HECW2: variants seen among roughly 807,000 people sequenced by gnomAD.
HECW2 encodes HECT, C2 and WW domain containing E3 ubiquitin protein ligase 2, also known as E3 ubiquitin-protein ligase HECW2.
Under a neutral mutation model 175.2 loss-of-function variants are expected in HECW2, and 61 were observed. The ratio of observed to expected loss-of-function variants is 0.35; its 90% confidence interval spans 0.28 to 0.43. The LOEUF (loss-of-function observed/expected upper bound fraction) is 0.43. HECW2 is among the 20% of genes least tolerant of loss of function. The pLI is 1.00. For missense variants in HECW2, 1,524 were observed against 2,000.5 expected (o/e 0.76, Z 4.54); for synonymous variants, 671 against 731.0 (o/e 0.92, Z 1.32).
intron 3 of HECW2, among the ~76,000 whole-genome samples, chr2:196,339,456 T>C (rs976172862): frequency 6.6e-6 from 1 of 152,238 alleles, no homozygotes; most frequent in South Asian, 2.1e-4. Context: ...TCCTCAATGA[T>C]CACATATCAA....
intron 2 of HECW2, among the ~76,000 whole-genome samples, chr2:196,400,712 C>T (rs1694793676): frequency 1.3e-5 from 2 of 151,748 alleles, no homozygotes; most frequent in Admixed American, 1.3e-4. Flanking sequence ...AAAGCATATT[C>T]TTATAAAGAT....
chr2:196,227,345 T>C (rs1687888201), intron 22 of HECW2, among the ~76,000 whole-genome samples: 1 of 152,194 alleles, frequency 6.6e-6, no homozygotes, highest in African/African-American at 2.4e-5. Flanking sequence ...TTGAAGTGTA[T>C]AAATGCAGAG....
chr2:196,500,905 G>T (rs534434384), intron 1 of HECW2, among the ~76,000 whole-genome samples: 1 of 152,302 alleles, frequency 6.6e-6, no homozygotes, highest in East Asian at 1.9e-4. Flanking sequence ...AGGCAGGCTT[G>T]ATTGGAGGGA....
intron 1 of HECW2, among the ~76,000 whole-genome samples, chr2:196,519,999 A>T (rs1688297375): frequency 6.6e-6 from 1 of 152,178 alleles, no homozygotes; most frequent in Non-Finnish European, 1.5e-5. Flanking sequence ...AGTGTTTAAG[A>T]TGTGTGGACT....
chr2:196,399,758 T>C (rs1694769082), intron 2 of HECW2, among the ~76,000 whole-genome samples: 4 of 152,244 alleles, frequency 2.6e-5, no homozygotes, highest in Non-Finnish European at 5.9e-5. Flanking sequence ...GATAGAACCG[T>C]AGGCCTAACT....
intron 3 of HECW2, among the ~76,000 whole-genome samples, chr2:196,340,679 T>C (rs1692717975): frequency 6.6e-6 from 1 of 151,842 alleles, no homozygotes; most frequent in South Asian, 2.1e-4. Flanking sequence ...ACAACTTCTT[T>C]TATATTGCAA....
chr2:196,446,066 C>A (rs775987432), intron 1 of HECW2, among the ~76,000 whole-genome samples: 4 of 152,204 alleles, frequency 2.6e-5, no homozygotes, highest in Non-Finnish European at 4.4e-5. Flanking sequence ...AAAACCCTTA[C>A]AGTGGTCTAG....
chr2:196,551,656 A>G (rs1011225236), intron 1 of HECW2, among the ~76,000 whole-genome samples: 8 of 152,226 alleles, frequency 5.3e-5, no homozygotes, highest in Non-Finnish European at 7.3e-5. Flanking sequence ...CTGCAGTTTC[A>G]GGTCATCTAA....
intron 2 of HECW2, among the ~76,000 whole-genome samples, chr2:196,368,450 A>G (rs1048632156): frequency 1.3e-5 from 2 of 152,030 alleles, no homozygotes; most frequent in African/African-American, 4.8e-5. Context: ...AAATGTCTTG[A>G]GGTAGTCTTG....
intron 2 of HECW2, among the ~76,000 whole-genome samples, chr2:196,358,295 C>T (rs1036538780): frequency 2.0e-5 from 3 of 151,950 alleles, no homozygotes; most frequent in African/African-American, 2.4e-5. Flanking sequence ...TATTTCGGAC[C>T]GGGCACGGTG....
intron 2 of HECW2, among the ~76,000 whole-genome samples, chr2:196,394,165 G>T (rs371894301): frequency 1.3e-5 from 2 of 151,696 alleles, no homozygotes; most frequent in African/African-American, 4.8e-5. Context: ...GGGGGGAGAG[G>T]GGGGAGGGAT....
intron 5 of HECW2, 45 bp from the exon 6 acceptor site, chr2:196,325,194 G>A (rs376710910): frequency 6.3e-5 from 89 of 1,406,752 alleles, no homozygotes; most frequent in Non-Finnish European, 7.9e-5. Flanking sequence ...AGAGAAAGCA[G>A]GAGGGAGGGA....
chr2:196,204,514 C>A (rs1686996733), intron 28 of HECW2, among the ~76,000 whole-genome samples: 1 of 152,132 alleles, frequency 6.6e-6, no homozygotes, highest in Non-Finnish European at 1.5e-5. Flanking sequence ...GCCAACAACC[C>A]AAGGGAACTT....
intron 2 of HECW2, among the ~76,000 whole-genome samples, chr2:196,373,722 G>GA (rs5837505): frequency 0.024 from 3,621 of 152,176 alleles, 150 homozygotes; most frequent in African/African-American, 0.083. Flanking sequence ...GATTATACAT[G>GA]AAAAAAATTA....
At chr2:196,234,665 G>A (rs568407179) in intron 21 of HECW2, among the ~76,000 whole-genome samples, 2 of 152,158 alleles carry the variant, frequency 1.3e-5, no homozygotes, top group Admixed American at 6.5e-5. Context: ...TAATACACTG[G>A]AGAATGTGCA....
intron 2 of HECW2, among the ~76,000 whole-genome samples, chr2:196,392,276 C>T (rs11884300): frequency 0.77 from 117,656 of 152,080 alleles, 46,191 homozygotes; most frequent in East Asian, 0.86. Context: ...TATACAACTC[C>T]TTCCAGAATG....
At chr2:196,441,063 T>C (rs1696026095) in intron 1 of HECW2, among the ~76,000 whole-genome samples, 1 of 152,254 alleles carries the variant, frequency 6.6e-6, no homozygotes, top group East Asian at 1.9e-4. Context: ...AATGCCATAG[T>C]ATACAACTTC....
intron 1 of HECW2, among the ~76,000 whole-genome samples, chr2:196,519,991 T>G (rs551482777): frequency 4.0e-4 from 61 of 152,316 alleles, no homozygotes; most frequent in African/African-American, 1.5e-3. Flanking sequence ...AAATTAATAG[T>G]GTTTAAGATG....
At chr2:196,313,534 C>A (rs1028976848) in intron 10 of HECW2, among the ~76,000 whole-genome samples, 1 of 152,166 alleles carries the variant, frequency 6.6e-6, no homozygotes, top group Non-Finnish European at 1.5e-5. Flanking sequence ...ACCAAGGCCA[C>A]AGTGCACTCT....
Sources: gnomAD v4.1 joint callset for allele counts (sites outside exome capture counted in the v4.1 genomes callset) on GRCh38, gnomAD v4.1.1 for gene constraint, MANE v1.5 for transcripts, NCBI Gene and HGNC (gene_info 2026-07-23, HGNC 2026-07-21) for gene names.